Variants in GPR107 observed in about 807,000 individuals in gnomAD.
GPR107 encodes the protein protein GPR107.
Under a neutral mutation model 75.5 loss-of-function variants are expected in GPR107, and 31 were observed. The ratio of observed to expected loss-of-function variants is 0.41; its 90% CI spans 0.31 to 0.55. GPR107 has a LOEUF of 0.55. Among genes scored for constraint, GPR107 ranks in the 20% least tolerant of loss-of-function variants. GPR107 has a pLI of 0.26. For synonymous variants in GPR107, 267 were observed against 251.3 expected (o/e 1.06, Z -0.59); for missense variants, 572 against 665.7 (o/e 0.86, Z 1.55).
intron 5 of GPR107, 35 bp from the exon 6 acceptor site, chr9:130,083,530 A>C (rs748406688): frequency 1.1e-5 from 16 of 1,421,234 alleles, no homozygotes; most frequent in Non-Finnish European, 1.4e-5. Flanking sequence ...AAGTTGAGTC[A>C]TGCAGCACTC....
At chr9:130,072,999 A>G (rs75054902) in intron 1 of GPR107, among the ~76,000 whole-genome samples, 200 of 152,292 alleles carry the variant, frequency 1.3e-3, no homozygotes, top group South Asian at 0.01. Context: ...CCCGCAGGAA[A>G]TGAGGCAGAA....
intron 1 of GPR107, among the ~76,000 whole-genome samples, chr9:130,067,765 G>C (rs888311273): frequency 2.6e-4 from 1 of 3,778 alleles, no homozygotes; most frequent in Non-Finnish European, 6.6e-4. Flanking sequence ...TTTTTTTTTT[G>C]AGACAGTCTC....
Position 130,103,549 on chromosome 9 carries a change from G to A in GPR107, c.1132-871G>A, listed in dbSNP as rs1040910511. Among the ~76,000 whole-genome samples, 8 of 144,312 alleles carry A rather than the reference G, an allele frequency of 5.5e-5. No homozygotes were observed. In the Admixed American group the frequency reaches 5.6e-4, roughly 10 times the overall value. The allele number at this position is 144,312 out of a possible 152,430, so 94.7% of individuals were successfully genotyped here. A position where few individuals can be genotyped will look rare whatever the true frequency, so the allele number is the denominator to read the frequency against. ...AGACTTATGCTAAGAGCCTAATAAC[G>A]GGCCTGAGTACAGAGCTTAATAGTG... On this transcript the variant is annotated intron_variant, in intron 12 of 17. Coordinates refer to ENST00000347136, the MANE Select transcript of GPR107 (RefSeq NM_020960.5). This position sits in a 1 kb window ranked among gnomAD's most constrained non-coding sequence, Gnocchi z 4.3.
At chr9:130,064,191 T>TTTTC (rs1830007397) in intron 1 of GPR107, among the ~76,000 whole-genome samples, 1 of 52,780 alleles carries the variant, frequency 1.9e-5, no homozygotes, top group South Asian at 8.2e-4. Flanking sequence ...TTTTCTTTTT[T>TTTTC]TTTTTTTTTT....
chr9:130,137,061 C>G lies in GPR107; in HGVS notation c.*1940C>G, dbSNP rs532784307. The G allele has an allele frequency of 6.6e-6, 1 of 152,342 alleles. No individual in the cohort carries two copies. The highest frequency in any genetic ancestry group is 2.4e-5 in the African/African-American group (1 of 41,584). The allele number at this position is 152,342 out of a possible 1,614,324, so 9.4% of individuals were successfully genotyped here. A position where few individuals can be genotyped will look rare whatever the true frequency, so the allele number is the denominator to read the frequency against. The stretch of plus-strand genomic sequence containing the variant: ...CGCAGAAATGTGTCTCAATCTGTGA[C>G]TACCAAAGCCCTCCTCAGTCCTTCC... On this transcript the variant is annotated 3_prime_UTR_variant, in exon 18 of 18. Transcript: ENST00000347136.
At chr9:130,054,597 A>G (rs968142831) in intron 1 of GPR107, among the ~76,000 whole-genome samples, 2 of 152,162 alleles carry the variant, frequency 1.3e-5, no homozygotes, top group African/African-American at 4.8e-5. Context: ...GTGACTGAGA[A>G]TGTAAAGCCA....
intron 1 of GPR107, among the ~76,000 whole-genome samples, chr9:130,068,301 T>G (rs1830117777): frequency 6.6e-6 from 1 of 152,044 alleles, no homozygotes. Context: ...GAGAATGGGT[T>G]CTTATTGTAC....
chr9:130,125,964 A>G (rs574683213), intron 15 of GPR107, among the ~76,000 whole-genome samples: 184 of 151,706 alleles, frequency 1.2e-3, no homozygotes, highest in Admixed American at 2.2e-3. Flanking sequence ...CTGAGGCAGG[A>G]GAATCGCTTG....
rs1268192978 is a variant in GPR107, at chr9:130,112,848, C to CT, written c.1306+5309_1306+5310insT. 6.6e-6 allele frequency among the ~76,000 whole-genome samples: 1 copy of CT among 152,090 alleles called. No individual in the cohort carries two copies. Among genetic ancestry groups the CT allele is most frequent in the Non-Finnish European group, 1.5e-5 (1 of 68,010 alleles). ...TACTGCAGCCTCAACCTCCTGGGCC[C>CT]AACCGATCCTCTCACCTCAGCCCTC... On this transcript the variant is annotated intron_variant, in intron 14 of 17. Transcript: ENST00000347136. The surrounding 1 kb of genome is among the most constrained non-coding windows in gnomAD (Gnocchi z 4.0).
At chr9:130,077,940 C>T (rs576473694) in intron 4 of GPR107, among the ~76,000 whole-genome samples, 16 of 152,216 alleles carry the variant, frequency 1.1e-4, no homozygotes, top group African/African-American at 2.4e-4. Context: ...CCGAGGCGGA[C>T]GGATCACGAG....
intron 6 of GPR107, among the ~76,000 whole-genome samples, chr9:130,084,047 CAT>C (rs139002438): frequency 0.036 from 4,650 of 130,904 alleles, 120 homozygotes; most frequent in Middle Eastern, 0.054. Context: ...AGAGAGCTAA[CAT>C]ATATATATAT....
At chr9:130,125,382 G>C (rs1423859273) in intron 15 of GPR107, among the ~76,000 whole-genome samples, 1 of 150,436 alleles carries the variant, frequency 6.6e-6, no homozygotes, top group African/African-American at 2.4e-5. Context: ...CGCCTGGCCA[G>C]TGTGGCTTGC....
At chr9:130,109,858 C>T (rs1034314038) in intron 14 of GPR107, among the ~76,000 whole-genome samples, 12 of 152,346 alleles carry the variant, frequency 7.9e-5, no homozygotes, top group Non-Finnish European at 1.6e-4. Flanking sequence ...CATGAGCCCC[C>T]GCGCCCGGCT....
At chr9:130,055,600 G>A (rs1829762172) in intron 1 of GPR107, among the ~76,000 whole-genome samples, 1 of 151,418 alleles carries the variant, frequency 6.6e-6, no homozygotes, top group Non-Finnish European at 1.5e-5. Flanking sequence ...AGCAAACTAT[G>A]AAGCATTGTA....
intron 13 of GPR107, among the ~76,000 whole-genome samples, chr9:130,107,224 A>G (rs1453674016): frequency 6.6e-6 from 1 of 152,164 alleles, no homozygotes; most frequent in Non-Finnish European, 1.5e-5. Flanking sequence ...TAACAGGAGC[A>G]TTAAATGATG....
At chr9:130,096,998 C>G (rs1188999190) in intron 9 of GPR107, among the ~76,000 whole-genome samples, 1 of 152,130 alleles carries the variant, frequency 6.6e-6, no homozygotes, top group Non-Finnish European at 1.5e-5. Context: ...GATAGACACA[C>G]GCCTGGACTG....
At chr9:130,069,336 G>T (rs1286389767) in intron 1 of GPR107, among the ~76,000 whole-genome samples, 3 of 152,170 alleles carry the variant, frequency 2.0e-5, no homozygotes, top group Non-Finnish European at 2.9e-5. Flanking sequence ...CTTTACCACG[G>T]TGTCAGTGCT....
intron 17 of GPR107, among the ~76,000 whole-genome samples, chr9:130,131,598 C>T (rs1831829295): frequency 1.3e-5 from 2 of 152,066 alleles, no homozygotes; most frequent in African/African-American, 4.8e-5. Context: ...GCCAGGTCCC[C>T]CTGTCCTCCT....
Position 130,084,733 on chromosome 9 carries a change from G to A in GPR107, c.564+1131G>A, listed in dbSNP as rs189313633. Among the ~76,000 whole-genome samples the A allele has an allele frequency of 8.9e-4, 135 of 151,286 alleles. 1 individual carries two copies. The highest frequency in any genetic ancestry group is 3.2e-3 in the African/African-American group (130 of 41,146). On this transcript the variant is annotated intron_variant, in intron 6 of 17. Coordinates refer to ENST00000347136, the MANE Select transcript of GPR107 (RefSeq NM_020960.5). Reference sequence around the variant, plus strand: ...TAAGGCTACAGTGAGCTATGATTGTGCCACTTCACTCTAGCCTGGGTGACA... The same window carrying A: ...TAAGGCTACAGTGAGCTATGATTGTACCACTTCACTCTAGCCTGGGTGACA...
Sources: gnomAD v4.1 joint callset for allele counts (sites outside exome capture counted in the v4.1 genomes callset) on GRCh38, gnomAD v4.1.1 for gene constraint, Gnocchi (gnomAD v3.1) non-coding constraint, MANE v1.5 for transcripts, NCBI Gene and HGNC (gene_info 2026-07-23, HGNC 2026-07-21) for gene names.